Variants in DLGAP2 observed in about 807,000 individuals in gnomAD.
DLGAP2 encodes the protein disks large-associated protein 2.
Under a neutral mutation model 100.3 loss-of-function variants are expected in DLGAP2, and 26 were observed. That is an observed-to-expected ratio of 0.26 (90% CI 0.19 to 0.36). The LOEUF (loss-of-function observed/expected upper bound fraction) is 0.36, where lower values mean the gene tolerates loss of function less well. DLGAP2 is among the 10% of genes least tolerant of loss of function. The pLI is 1.00. For missense variants in DLGAP2, 1,858 were observed against 1,453.2 expected, an observed-to-expected ratio of 1.28 and a Z score of -4.53; for synonymous variants, 886 against 630.1, an observed-to-expected ratio of 1.41 and a Z score of -6.08.
At chr8:1,510,633 G>T (rs572000660) in intron 4 of DLGAP2, among the ~76,000 whole-genome samples, 3 of 152,320 alleles carry the variant, frequency 2.0e-5, no homozygotes, top group African/African-American at 7.2e-5. Context: ...GTCACAGGAC[G>T]CGCATTCTCA....
intron 2 of DLGAP2, among the ~76,000 whole-genome samples, chr8:988,501 T>C (rs1418993608): frequency 6.6e-6 from 1 of 152,204 alleles, no homozygotes; most frequent in Admixed American, 6.5e-5. Flanking sequence ...TGCAGTTTGT[T>C]TGGCAACAAC....
In DLGAP2 at chr8:1,139,850, C is replaced by T. The variant is rs538330734; in HGVS notation, c.74-119001C>T. 4.0e-5 allele frequency among the ~76,000 whole-genome samples: 6 copies of T among 151,850 alleles called. No homozygotes were observed. The East Asian group carries it at 7.8e-4, about 20-fold the overall frequency. Reference sequence around the variant, plus strand: ...TTTAATTCTCATAAGGGGTCTGTGGCGTAGGGTTCTATTACTGGCTGCAGT... The same window carrying T: ...TTTAATTCTCATAAGGGGTCTGTGGTGTAGGGTTCTATTACTGGCTGCAGT... On this transcript the variant is annotated intron_variant, in intron 2 of 14. Coordinates refer to ENST00000637795, the MANE Select transcript of DLGAP2 (RefSeq NM_001346810.2).
chr8:1,057,165 T>C (rs958787668), intron 2 of DLGAP2, among the ~76,000 whole-genome samples: 5 of 152,258 alleles, frequency 3.3e-5, no homozygotes, highest in African/African-American at 1.2e-4. Flanking sequence ...GAATACTTTT[T>C]ACCCTAGGAC....
At chr8:1,071,416 C>G (rs1328838294) in intron 2 of DLGAP2, among the ~76,000 whole-genome samples, 5 of 152,164 alleles carry the variant, frequency 3.3e-5, no homozygotes, top group South Asian at 2.1e-4. Flanking sequence ...GATGTGCAGT[C>G]TCTCCTGGGT....
At chr8:1,319,613 G>T (rs1585255943) in intron 3 of DLGAP2, among the ~76,000 whole-genome samples, 1 of 152,330 alleles carries the variant, frequency 6.6e-6, no homozygotes, top group East Asian at 1.9e-4. Context: ...ACGTCCATCA[G>T]CTGTGATGAG....
intron 4 of DLGAP2, among the ~76,000 whole-genome samples, chr8:1,545,660 T>C (rs938433668): frequency 6.6e-5 from 10 of 152,254 alleles, no homozygotes; most frequent in Non-Finnish European, 7.3e-5. Flanking sequence ...TGCCATTGTT[T>C]ACAGCACGCT....
intron 1 of DLGAP2, among the ~76,000 whole-genome samples, chr8:775,058 C>A (rs993373513): frequency 6.6e-6 from 1 of 152,160 alleles, no homozygotes; most frequent in African/African-American, 2.4e-5. Context: ...TCGAAGAGGT[C>A]CTTCTCGTCC....
chr8:900,871 C>T (rs1055213340), intron 1 of DLGAP2, among the ~76,000 whole-genome samples: 5 of 152,064 alleles, frequency 3.3e-5, no homozygotes, highest in Non-Finnish European at 7.4e-5. Flanking sequence ...AAATGGGCTC[C>T]GTAGGTCCGA....
intron 3 of DLGAP2, among the ~76,000 whole-genome samples, chr8:1,348,539 A>G (rs1431027594): frequency 6.6e-6 from 1 of 150,594 alleles, no homozygotes; most frequent in Non-Finnish European, 1.5e-5. Context: ...GAGTTCCCAC[A>G]TAGAGCTGCA....
Position 1,439,260 on chromosome 8 carries a change from C to T in DLGAP2, c.107-62106C>T, listed in dbSNP as rs1168250623. On this transcript the variant is annotated intron_variant, in intron 3 of 14. Coordinates refer to ENST00000637795, the MANE Select transcript of DLGAP2 (RefSeq NM_001346810.2). ...CCAGGACTGAACAGCACGTGGCAGC[C>T]GGGTTCTGATGGAAGAGGGAAGGGA... Among the ~76,000 whole-genome samples, 19 of 152,136 alleles carry T rather than the reference C, an allele frequency of 1.2e-4. 1 individual carries two copies. Among genetic ancestry groups the T allele is most frequent in the Admixed American group, 1.2e-3 (19 of 15,274 alleles).
chr8:1,076,382 C>A (rs768580736), intron 2 of DLGAP2, among the ~76,000 whole-genome samples: 2 of 152,196 alleles, frequency 1.3e-5, no homozygotes, highest in African/African-American at 4.8e-5. Flanking sequence ...TCCCCGTCTC[C>A]GAGCCTCAGT....
chr8:1,317,785 C>T (rs1337735221), intron 3 of DLGAP2, among the ~76,000 whole-genome samples: 1 of 104,540 alleles, frequency 9.6e-6, no homozygotes, highest in South Asian at 3.4e-4. Flanking sequence ...TCGAGACACT[C>T]GTCAGTGTTA....
intron 2 of DLGAP2, among the ~76,000 whole-genome samples, chr8:1,186,390 C>T (rs1015120519): frequency 1.3e-5 from 2 of 152,346 alleles, no homozygotes; most frequent in African/African-American, 4.8e-5. Context: ...TGTGACCAGG[C>T]AGAGAAACGG....
At chr8:1,042,957 AGGT>A (rs1296733362) in intron 2 of DLGAP2, among the ~76,000 whole-genome samples, 1 of 26,524 alleles carries the variant, frequency 3.8e-5, no homozygotes, top group Non-Finnish European at 7.1e-5. Flanking sequence ...TATGGCTGGT[AGGT>A]GGTGGATGTG....
chr8:1,146,035 G>A (rs918195770), intron 2 of DLGAP2, among the ~76,000 whole-genome samples: 15 of 152,072 alleles, frequency 9.9e-5, no homozygotes, highest in South Asian at 4.2e-4. Flanking sequence ...CCAGGATGCC[G>A]GGTGGCAGAG....
chr8:1,246,863 G>C (rs1488754970), intron 2 of DLGAP2: 1 of 140,898 alleles, frequency 7.1e-6, no homozygotes, highest in Non-Finnish European at 1.5e-5. Flanking sequence ...GAAGACCTTT[G>C]AGATCATTGT....
intron 3 of DLGAP2, among the ~76,000 whole-genome samples, chr8:1,268,287 C>A (rs1042664119): frequency 6.6e-6 from 1 of 152,104 alleles, no homozygotes; most frequent in Non-Finnish European, 1.5e-5. Context: ...AGAAAATACT[C>A]CCTATTTTCT....
At chr8:1,449,601 C>G (rs190164497) in intron 3 of DLGAP2, among the ~76,000 whole-genome samples, 1 of 152,176 alleles carries the variant, frequency 6.6e-6, no homozygotes, top group Admixed American at 6.5e-5. Flanking sequence ...GTGGGCCTGG[C>G]ACTCTGCATT....
At chr8:945,154 CT>C (rs1799288698) in intron 2 of DLGAP2, among the ~76,000 whole-genome samples, 1 of 152,154 alleles carries the variant, frequency 6.6e-6, no homozygotes, top group Non-Finnish European at 1.5e-5. Context: ...AGAACCATGA[CT>C]TTTGTTTTTA....
Sources: gnomAD v4.1 joint callset for allele counts (sites outside exome capture counted in the v4.1 genomes callset) on GRCh38, gnomAD v4.1.1 for gene constraint, MANE v1.5 for transcripts, NCBI Gene and HGNC (gene_info 2026-07-23, HGNC 2026-07-21) for gene names.